The following PDE6G variants were observed in gnomAD, a reference collection of about 807,000 sequenced individuals.
PDE6G encodes rod cGMP 3',5'-cyclic phosphodiesterase subunit gamma.
Under a neutral mutation model 10.9 loss-of-function variants are expected in PDE6G, and 10 were observed. The ratio of observed to expected loss-of-function variants is 0.91; its 90% CI spans 0.56 to 1.55. The LOEUF is 1.55. PDE6G is among the 40% of genes most tolerant of loss of function. The probability of loss-of-function intolerance (pLI) is 0.00; values close to 1 mark genes in which losing one functional copy is unlikely to be tolerated. For synonymous variants in PDE6G, 41 were observed against 42.8 expected (o/e 0.96, Z 0.16); for missense variants, 102 against 110.1 (o/e 0.93, Z 0.33).
rs528541285 is a variant in PDE6G, at chr17:81,653,952, C to G, written c.-59-588G>C. ...CAGCCTCCCCAGCAGCTGGGATTAC[C>G]GGCGTCTGCCACCATGCCCGGCTAA... On this transcript the variant is annotated intron_variant, in intron 1 of 3. Coordinates refer to ENST00000331056, the MANE Select transcript of PDE6G (RefSeq NM_002602.4). The surrounding 1 kb of genome is among the most constrained non-coding windows in gnomAD (Gnocchi z 5.2). Among the ~76,000 whole-genome samples, 16 of 151,800 alleles carry G rather than the reference C, an allele frequency of 1.1e-4. No homozygotes were observed. Among genetic ancestry groups the G allele is most frequent in the African/African-American group, 3.4e-4 (14 of 41,368 alleles).
chr17:81,656,845 C>T (rs1348321286), upstream of PDE6G: 1 of 553,772 alleles, frequency 1.8e-6, no homozygotes, highest in East Asian at 3.1e-5. Context: ...CTGACCCTGC[C>T]TGATCTCTGA....
At position 81,651,848 on chromosome 17, in the gene PDE6G, TGAG is replaced by T. The variant is rs1419948126; in HGVS notation, c.147-166_147-164del. ...CCAACCTCCCAGGGCTTGGCGCATC[TGAG>T]GAGGCTTCCCTCACAGACCCAGGGT... On this transcript the variant is annotated intron_variant, in intron 2 of 3. Coordinates refer to ENST00000331056, the MANE Select transcript of PDE6G (RefSeq NM_002602.4). This position sits in a 1 kb window ranked among gnomAD's most constrained non-coding sequence, Gnocchi z 4.8. 6.6e-6 allele frequency among the ~76,000 whole-genome samples: 1 copy of T among 152,198 alleles called. No individual in the cohort carries two copies. Among genetic ancestry groups the T allele is most frequent in the Non-Finnish European group, 1.5e-5 (1 of 68,024 alleles).
chr17:81,655,488 T>C (rs936154450), intron 1 of PDE6G, among the ~76,000 whole-genome samples: 1 of 152,208 alleles, frequency 6.6e-6, no homozygotes, highest in African/African-American at 2.4e-5. Context: ...ACGAGATCAG[T>C]GTCCCTGCAC....
rs1428381373 is a variant in PDE6G, at chr17:81,651,819, C to G, written c.147-134G>C. The G allele has an allele frequency of 3.4e-6, 3 of 890,520 alleles. No homozygotes were observed. The highest frequency in any genetic ancestry group is 5.4e-6 in the Non-Finnish European group (3 of 553,022). 55.2% of individuals were successfully genotyped at this position (890,520 alleles called of 1,614,324 possible). Reference sequence around the variant, plus strand: ...AGCCCAGTGGGCAGAGACCCGCCTCCTCCCCAACCTCCCAGGGCTTGGCGC... The same window carrying G: ...AGCCCAGTGGGCAGAGACCCGCCTCGTCCCCAACCTCCCAGGGCTTGGCGC... On this transcript the variant is annotated intron_variant, in intron 2 of 3. Transcript: ENST00000331056. This position sits in a 1 kb window ranked among gnomAD's most constrained non-coding sequence, Gnocchi z 4.8.
At chr17:81,657,937 C>T (rs1225463202), upstream of PDE6G, among the ~76,000 whole-genome samples, 2 of 151,820 alleles carry the variant, frequency 1.3e-5, no homozygotes, top group East Asian at 3.9e-4. Flanking sequence ...CGGCCGGGAG[C>T]AGTGGCTCTC....
Position 81,653,243 on chromosome 17 carries a change from G to C in PDE6G, c.63C>G (p.Val21=). Residue 21 remains valine, a synonymous_variant, in exon 2 of 4, where the codon GTC becomes GTG. Coordinates refer to ENST00000331056, the MANE Select transcript of PDE6G (RefSeq NM_002602.4). This position sits in a 1 kb window ranked among gnomAD's most constrained non-coding sequence, Gnocchi z 5.2. ...ATTTAGGGGGCCCTTTCCTGGGGGT[G>C]ACAGGTCCCCCGGCCACCCTGGTGG... is the stretch of plus-strand genomic sequence containing the variant. The part of the protein sequence containing the change: ...RSATRVAGGP[V]TPRKGPPKFK... The C allele has an allele frequency of 6.2e-7, 1 of 1,614,112 alleles. No homozygotes were observed. Among genetic ancestry groups the C allele is most frequent in the Non-Finnish European group, 8.5e-7 (1 of 1,180,006 alleles).
intron 1 of PDE6G, 149 bp downstream of exon 1, chr17:81,656,344 G>T (rs1198005662): frequency 1.6e-6 from 1 of 636,640 alleles, no homozygotes; most frequent in African/African-American, 1.8e-5. Flanking sequence ...GAATAACAGG[G>T]TGGCGGGTAG....
At chr17:81,654,379 CTTTTTTTTT>C (rs11431043) in intron 1 of PDE6G, among the ~76,000 whole-genome samples, 3 of 128,446 alleles carry the variant, frequency 2.3e-5, no homozygotes, top group Non-Finnish European at 4.8e-5. Flanking sequence ...CCCTCTGATT[CTTTTTTTTT>C]TTTTTTTTTG....
chr17:81,653,042 G>A lies in PDE6G; in HGVS notation c.146+118C>T. The stretch of plus-strand genomic sequence containing the variant: ...GCACCGCCCTACCTTCCCCAGCTGT[G>A]AGGCTGGGACCACTCACCCAGTGAA... On this transcript the variant is annotated intron_variant, in intron 2 of 3. Transcript: ENST00000331056. The surrounding 1 kb of genome is among the most constrained non-coding windows in gnomAD (Gnocchi z 5.2). 1 of 1,197,356 alleles carries A rather than the reference G, an allele frequency of 8.4e-7. No homozygotes were observed. Among genetic ancestry groups the A allele is most frequent in the Non-Finnish European group, 1.2e-6 (1 of 804,982 alleles). The allele number at this position is 1,197,356 out of a possible 1,614,324, so 74.2% of individuals were successfully genotyped here.
chr17:81,653,934 C>A lies in PDE6G; in HGVS notation c.-59-570G>T, dbSNP rs1481430213. On this transcript the variant is annotated intron_variant, in intron 1 of 3. Coordinates refer to ENST00000331056, the MANE Select transcript of PDE6G (RefSeq NM_002602.4). The surrounding 1 kb of genome is among the most constrained non-coding windows in gnomAD (Gnocchi z 5.2). ...CAAGTGATTCTCCTGCCTCAGCCTC[C>A]CCAGCAGCTGGGATTACCGGCGTCT... is the stretch of plus-strand genomic sequence containing the variant. 6.6e-6 allele frequency among the ~76,000 whole-genome samples: 1 copy of A among 152,144 alleles called. No homozygotes were observed. The highest frequency in any genetic ancestry group is 1.5e-5 in the Non-Finnish European group (1 of 68,020).
rs1293333674 is a variant in PDE6G at position 81,653,817 on chromosome 17, G to C, written c.-59-453C>G. ...GCTACTCTGGGTTTTTTTTTGTTTT[G>C]TTTTGTTTTTGAGACAGAGTTTTGC... is the stretch of plus-strand genomic sequence containing the variant. On this transcript the variant is annotated intron_variant, in intron 1 of 3. Coordinates refer to ENST00000331056, the MANE Select transcript of PDE6G (RefSeq NM_002602.4). This position sits in a 1 kb window ranked among gnomAD's most constrained non-coding sequence, Gnocchi z 5.2. 6.2e-6 allele frequency: 1 copy of C among 162,388 alleles called. No homozygotes were observed. Among genetic ancestry groups the C allele is most frequent in the Non-Finnish European group, 1.4e-5 (1 of 73,816 alleles). The allele number at this position is 162,388 out of a possible 1,614,324, so 10.1% of individuals were successfully genotyped here.
At chr17:81,657,799 T>C (rs1372740389), upstream of PDE6G, among the ~76,000 whole-genome samples, 2 of 152,020 alleles carry the variant, frequency 1.3e-5, no homozygotes, top group Non-Finnish European at 1.5e-5. Flanking sequence ...GAGAATGGCG[T>C]GAACCCGGGA....
Position 81,653,238 on chromosome 17 carries a change from G to C in PDE6G, c.68C>G (p.Pro23Arg), listed in dbSNP as rs200362126. ...CTTAAATTTAGGGGGCCCTTTCCTG[G>C]GGGTGACAGGTCCCCCGGCCACCCT... ...ATRVAGGPVT[P>R]RKGPPKFKQR... Residue 23 changes from proline (P) to arginine (R), a missense_variant, in exon 2 of 4, where the codon CCC (proline) becomes CGC (arginine). Pro to Arg is a moderately radical substitution (Grantham distance 103). Transcript: ENST00000331056. The surrounding 1 kb of genome is among the most constrained non-coding windows in gnomAD (Gnocchi z 5.2). 6.2e-7 allele frequency: 1 copy of C among 1,613,984 alleles called. No individual in the cohort carries two copies. Among genetic ancestry groups the C allele is most frequent in the Non-Finnish European group, 8.5e-7 (1 of 1,179,970 alleles).
chr17:81,657,116 AGAAGGTCACAG>A (rs1347077684), upstream of PDE6G: 1 of 170,944 alleles, frequency 5.8e-6, no homozygotes, highest in Non-Finnish European at 1.3e-5. Context: ...GAAGGTCACA[AGAAGGTCACAG>A]GAGCTTAGAA....
At position 81,653,350 on chromosome 17, in the gene PDE6G, C is replaced by T. The variant is rs1180866798; in HGVS notation, c.-45G>A. 6.2e-7 allele frequency: 1 copy of T among 1,603,672 alleles called. No individual in the cohort carries two copies. The highest frequency in any genetic ancestry group is 8.5e-7 in the Non-Finnish European group (1 of 1,178,798). On this transcript the variant is annotated 5_prime_UTR_variant, in exon 2 of 4. Transcript: ENST00000331056. The surrounding 1 kb of genome is among the most constrained non-coding windows in gnomAD (Gnocchi z 5.2). ...CCGCGGCAACCTTGGCTCCTGGACT[C>T]CCTCCTGCTGCGGTCTGGGGGCAGA... is the stretch of plus-strand genomic sequence containing the variant.
upstream of PDE6G, among the ~76,000 whole-genome samples, chr17:81,658,528 T>C (rs2036478004): frequency 6.6e-6 from 1 of 151,546 alleles, no homozygotes; most frequent in African/African-American, 2.4e-5. Flanking sequence ...TGAAGAAATA[T>C]GAAAATTTTG....
upstream of PDE6G, among the ~76,000 whole-genome samples, chr17:81,659,664 A>C (rs750399409): frequency 2.6e-5 from 4 of 152,184 alleles, no homozygotes; most frequent in Non-Finnish European, 4.4e-5. Flanking sequence ...ATTGTCGTTC[A>C]CCACATTTTC....
chr17:81,654,212 G>C (rs2144404032), intron 1 of PDE6G, among the ~76,000 whole-genome samples: 1 of 152,180 alleles, frequency 6.6e-6, no homozygotes, highest in Non-Finnish European at 1.5e-5. Context: ...CCTTCCTGAT[G>C]GTTAGTGGGC....
At position 81,653,101 on chromosome 17, in the gene PDE6G, T is replaced by C. The variant is rs2036387714; in HGVS notation, c.146+59A>G. ...AGGCTCTGCCCCGCCCTCCCCTTCC[T>C]GTGCAGCCTCAGGACCGCCTCCTCC... is the stretch of plus-strand genomic sequence containing the variant. On this transcript the variant is annotated intron_variant, in intron 2 of 3. Coordinates refer to ENST00000331056, the MANE Select transcript of PDE6G (RefSeq NM_002602.4). This position sits in a 1 kb window ranked among gnomAD's most constrained non-coding sequence, Gnocchi z 5.2. 6.9e-7 allele frequency: 1 copy of C among 1,441,310 alleles called. No individual in the cohort carries two copies. The highest frequency in any genetic ancestry group is 1.8e-5 in the Admixed American group (1 of 56,558). 89.3% of individuals were successfully genotyped at this position (1,441,310 alleles called of 1,614,324 possible).
Sources: gnomAD v4.1 joint callset for allele counts (sites outside exome capture counted in the v4.1 genomes callset) on GRCh38, gnomAD v4.1.1 for gene constraint, Gnocchi (gnomAD v3.1) non-coding constraint, MANE v1.5 for transcripts, NCBI Gene and HGNC (gene_info 2026-07-23, HGNC 2026-07-21) for gene names.